FRAS1: variants seen among roughly 807,000 people sequenced by gnomAD.
FRAS1 encodes extracellular matrix organizing protein FRAS1.
Under a neutral mutation model 435.2 loss-of-function variants are expected in FRAS1, and 290 were observed. That is an observed-to-expected ratio of 0.67 (90% CI 0.61 to 0.73). FRAS1 has a LOEUF of 0.73. FRAS1 is among the 30% of genes least tolerant of loss of function. FRAS1 has a pLI of 0.00. For missense variants in FRAS1, 4,860 were observed against 5,001.5 expected (o/e 0.97, Z 0.85); for synonymous variants, 1,800 against 1,851.0 (o/e 0.97, Z 0.71).
At position 78,417,170 on chromosome 4, in the gene FRAS1, A is replaced by G. The variant is rs573193257; in HGVS notation, c.4426-1779A>G. On this transcript the variant is annotated intron_variant, in intron 32 of 73. Coordinates refer to ENST00000512123, the MANE Select transcript of FRAS1 (RefSeq NM_025074.7). ...CATGGAATCAGTCCTTTTTATATGT[A>G]GTATCTATTTCTATTAGGAGAAAAA... is the stretch of plus-strand genomic sequence containing the variant. Among the ~76,000 whole-genome samples, 3 of 152,286 alleles carry G rather than the reference A, an allele frequency of 2.0e-5. No individual in the cohort carries two copies. In the East Asian group the frequency reaches 5.8e-4, roughly 29 times the overall value.
At chr4:78,191,075 T>A (rs975385295) in intron 2 of FRAS1, among the ~76,000 whole-genome samples, 1 of 152,220 alleles carries the variant, frequency 6.6e-6, no homozygotes, top group African/African-American at 2.4e-5. Context: ...GGAAGACTCC[T>A]CACCAGAAAA....
chr4:78,097,344 A>G (rs1365075235), intron 2 of FRAS1, among the ~76,000 whole-genome samples: 1 of 151,880 alleles, frequency 6.6e-6, no homozygotes, highest in African/African-American at 2.4e-5. Context: ...AACTGTTCCA[A>G]CCTCTGCCTG....
intron 2 of FRAS1, among the ~76,000 whole-genome samples, chr4:78,082,940 C>T (rs143940977): frequency 6.6e-6 from 1 of 151,894 alleles, no homozygotes; most frequent in Non-Finnish European, 1.5e-5. Flanking sequence ...GTTTGGTGAC[C>T]CTGAGATGTT....
chr4:78,504,355 A>T (rs1024399196), intron 61 of FRAS1, among the ~76,000 whole-genome samples: 1 of 152,178 alleles, frequency 6.6e-6, no homozygotes, highest in East Asian at 1.9e-4. Flanking sequence ...GTGGGAATCT[A>T]AATCTCTTTG....
At chr4:78,059,303 G>A (rs1279407383) in intron 1 of FRAS1, among the ~76,000 whole-genome samples, 1 of 152,112 alleles carries the variant, frequency 6.6e-6, no homozygotes, top group Non-Finnish European at 1.5e-5. Flanking sequence ...GGCTTCCCAA[G>A]AGAAAGGCCT....
chr4:78,413,351 G>T (rs766790005), intron 32 of FRAS1, among the ~76,000 whole-genome samples: 1 of 152,106 alleles, frequency 6.6e-6, no homozygotes, highest in Non-Finnish European at 1.5e-5. Flanking sequence ...ATGTTCCAGG[G>T]GTCCTCCTTG....
chr4:78,364,695 A>G (rs145399182), intron 22 of FRAS1, among the ~76,000 whole-genome samples: 56 of 152,400 alleles, frequency 3.7e-4, no homozygotes, highest in Non-Finnish European at 5.1e-4. Context: ...AAATTAAGAT[A>G]TACTTCACAG....
chr4:78,428,359 A>G (rs1268367980), intron 35 of FRAS1, among the ~76,000 whole-genome samples: 2 of 150,676 alleles, frequency 1.3e-5, no homozygotes, highest in Admixed American at 6.6e-5. Flanking sequence ...GTCTCGCTGT[A>G]TCGCCCAGGC....
chr4:78,315,522 G>C (rs777932953), intron 15 of FRAS1, 72 bp from the exon 16 acceptor site: 2 of 1,472,086 alleles, frequency 1.4e-6, no homozygotes, highest in Non-Finnish European at 1.8e-6. Context: ...TGTGGATATT[G>C]TAAAGAATAG....
At chr4:78,087,272 T>A (rs932580889) in intron 2 of FRAS1, among the ~76,000 whole-genome samples, 5 of 151,756 alleles carry the variant, frequency 3.3e-5, no homozygotes, top group Non-Finnish European at 7.4e-5. Flanking sequence ...ATGGAGCGTA[T>A]CTCAAAATAA....
intron 2 of FRAS1, among the ~76,000 whole-genome samples, chr4:78,234,265 A>G (rs959297408): frequency 2.6e-5 from 4 of 151,708 alleles, no homozygotes; most frequent in Admixed American, 1.3e-4. Context: ...TCGCTCTGTC[A>G]CCCAGGCTGG....
In FRAS1 at chr4:78,333,255, C is replaced by T. The variant is rs772052463; in HGVS notation, c.2138-17C>T. 6 of 1,597,468 alleles carry T rather than the reference C, an allele frequency of 3.8e-6. No homozygotes were observed. In the East Asian group the frequency reaches 1.4e-4, roughly 36 times the overall value. ...GGGGCTTTCCTGATTGTCTCCTTTG[C>T]TTTATCTTTCCCCCAGCTTGCCACC... On this transcript the variant is annotated splice_polypyrimidine_tract_variant and intron_variant, in intron 18 of 73. Transcript: ENST00000512123.
chr4:78,293,481 A>G (rs1469422983), intron 14 of FRAS1, among the ~76,000 whole-genome samples: 1 of 152,188 alleles, frequency 6.6e-6, no homozygotes, highest in African/African-American at 2.4e-5. Flanking sequence ...TGGTGGCCTC[A>G]GGATAATTAC....
intron 2 of FRAS1, among the ~76,000 whole-genome samples, chr4:78,200,787 A>G (rs190685456): frequency 1.3e-4 from 20 of 148,370 alleles, no homozygotes; most frequent in Admixed American, 9.3e-4. Context: ...TCATCACTCA[A>G]AGTAGCTGTA....
chr4:78,456,146 T>TTTC (rs77127614), intron 47 of FRAS1, among the ~76,000 whole-genome samples: 2 of 134,472 alleles, frequency 1.5e-5, no homozygotes, highest in African/African-American at 2.8e-5. Flanking sequence ...CACTTTTTTT[T>TTTC]TTTTTTTTTT....
At chr4:78,511,210 A>G in intron 63 of FRAS1, 64 bp from the exon 64 acceptor site, 1 of 1,282,192 alleles carries the variant, frequency 7.8e-7, no homozygotes, top group South Asian at 1.5e-5. Context: ...AACTTGAACC[A>G]GATCATGTAA....
At chr4:78,334,395 G>A (rs1425448130) in intron 19 of FRAS1, among the ~76,000 whole-genome samples, 6 of 112,376 alleles carry the variant, frequency 5.3e-5, no homozygotes, top group African/African-American at 1.1e-4. Flanking sequence ...TTTTTGAGAC[G>A]GAGTCTTGCT....
chr4:78,493,367 C>T (rs768491487), intron 59 of FRAS1, among the ~76,000 whole-genome samples: 2 of 152,096 alleles, frequency 1.3e-5, no homozygotes, highest in Non-Finnish European at 2.9e-5. Flanking sequence ...ATATTTATTG[C>T]AGCACTATTC....
intron 2 of FRAS1, among the ~76,000 whole-genome samples, chr4:78,092,072 C>CT (rs1324503745): frequency 1.3e-5 from 2 of 150,654 alleles, no homozygotes; most frequent in African/African-American, 4.9e-5. Context: ...CCTTCCCTGG[C>CT]TGGTGGTTCT....
Sources: gnomAD v4.1 joint callset for allele counts (sites outside exome capture counted in the v4.1 genomes callset) on GRCh38, gnomAD v4.1.1 for gene constraint, MANE v1.5 for transcripts, NCBI Gene and HGNC (gene_info 2026-07-23, HGNC 2026-07-21) for gene names.